Variants in ATP9B observed in about 807,000 individuals in gnomAD.
ATP9B encodes probable phospholipid-transporting ATPase IIB.
A neutral mutation model predicts 146.1 loss-of-function variants in ATP9B; 110 were observed. The observed-to-expected ratio is 0.75, with a 90% confidence interval of 0.65 to 0.88. The LOEUF is 0.88. ATP9B is among the 40% of genes least tolerant of loss of function. ATP9B has a pLI of 0.00. For missense variants in ATP9B, 1,499 were observed against 1,496.4 expected, an observed-to-expected ratio of 1.00 and a Z score of -0.03; for synonymous variants, 604 against 569.7, an observed-to-expected ratio of 1.06 and a Z score of -0.86.
intron 11 of ATP9B, among the ~76,000 whole-genome samples, chr18:79,246,655 A>G (rs531706377): frequency 6.6e-6 from 1 of 152,260 alleles, no homozygotes; most frequent in African/African-American, 2.4e-5. Context: ...GGCGCTTTCC[A>G]GAGAGCGGGA....
chr18:79,346,082 C>A (rs1296223017), intron 23 of ATP9B, among the ~76,000 whole-genome samples: 1 of 151,430 alleles, frequency 6.6e-6, no homozygotes, highest in Admixed American at 6.6e-5. Flanking sequence ...ACATGCTCAG[C>A]GCACAGCACA....
chr18:79,142,923 T>G (rs2094531354), intron 5 of ATP9B, among the ~76,000 whole-genome samples: 2 of 152,198 alleles, frequency 1.3e-5, no homozygotes, highest in African/African-American at 4.8e-5. Context: ...TTGATAGCTG[T>G]CAACATAAAC....
rs2096829070 is a variant in ATP9B at position 79,336,693 on chromosome 18, G to A, written c.2094G>A (p.Glu698=). The A allele has an allele frequency of 1.2e-6, 2 of 1,613,828 alleles. No individual in the cohort carries two copies. Among genetic ancestry groups the A allele is most frequent in the African/African-American group, 2.7e-5 (2 of 74,942 alleles). The stretch of plus-strand genomic sequence containing the variant: ...TTGCAAAGAAGGCGTTGACAGAGGA[G>A]CAGTACCAGGACTTTGAGGTGAGCC... ...LVVAKKALTE[E]QYQDFESRYT... is the part of the protein sequence containing the mutation. The change falls in exon 18 of 30, where the codon GAG becomes GAA. Residue 698 remains glutamate (E), a synonymous_variant. Transcript: ENST00000426216.
intron 2 of ATP9B, among the ~76,000 whole-genome samples, chr18:79,099,351 A>G (rs2075079940): frequency 6.6e-6 from 1 of 152,006 alleles, no homozygotes; most frequent in Non-Finnish European, 1.5e-5. Context: ...CCTCCTGAGT[A>G]GCTGGGACTA....
At chr18:79,165,480 C>A (rs576936308) in intron 7 of ATP9B, among the ~76,000 whole-genome samples, 4 of 152,190 alleles carry the variant, frequency 2.6e-5, no homozygotes, top group Non-Finnish European at 5.9e-5. Flanking sequence ...CTAGAAGTTG[C>A]CAAATGTAAA....
At chr18:79,297,135 C>T (rs552322466) in intron 13 of ATP9B, among the ~76,000 whole-genome samples, 19 of 134,552 alleles carry the variant, frequency 1.4e-4, no homozygotes, top group South Asian at 2.6e-4. Flanking sequence ...AGGAGACAGA[C>T]GACCCAGAGA....
chr18:79,343,833 T>G, intron 20 of ATP9B: 1 of 253,826 alleles, frequency 3.9e-6, no homozygotes, highest in Non-Finnish European at 7.6e-6. Flanking sequence ...CCCTGGCCTG[T>G]TGCTCTGTTA....
At chr18:79,084,862 T>A (rs1409318376) in intron 1 of ATP9B, among the ~76,000 whole-genome samples, 1 of 152,220 alleles carries the variant, frequency 6.6e-6, no homozygotes, top group African/African-American at 2.4e-5. Context: ...TGGTTAGTTG[T>A]TAAAACTTGT....
intron 13 of ATP9B, among the ~76,000 whole-genome samples, chr18:79,303,137 A>C (rs996466109): frequency 3.9e-5 from 6 of 152,228 alleles, no homozygotes; most frequent in African/African-American, 1.4e-4. Context: ...ACACTTTAGG[A>C]GGCCAAGACA....
intron 13 of ATP9B, among the ~76,000 whole-genome samples, chr18:79,294,577 G>A (rs2096534107): frequency 6.6e-6 from 1 of 152,250 alleles, no homozygotes; most frequent in African/African-American, 2.4e-5. Flanking sequence ...GGAGAAAGCT[G>A]TAGAGTAAAA....
chr18:79,359,267 A>T, intron 25 of ATP9B, 87 bp from the exon 26 acceptor site: 1 of 990,828 alleles, frequency 1.0e-6, no homozygotes. Context: ...GGTGTTTTTG[A>T]AGCTGTGACC....
chr18:79,280,532 T>C (rs574536388), intron 13 of ATP9B, among the ~76,000 whole-genome samples: 4 of 152,220 alleles, frequency 2.6e-5, no homozygotes, highest in Non-Finnish European at 4.4e-5. Context: ...CAGGGAGATA[T>C]TGATTATTTG....
intron 7 of ATP9B, among the ~76,000 whole-genome samples, chr18:79,169,679 A>T (rs1274164156): frequency 1.3e-5 from 2 of 152,136 alleles, no homozygotes; most frequent in East Asian, 3.8e-4. Flanking sequence ...AACCATTTTG[A>T]ATTATTTTGA....
chr18:79,308,357 C>A (rs1254722805), intron 15 of ATP9B, among the ~76,000 whole-genome samples: 1 of 152,152 alleles, frequency 6.6e-6, no homozygotes, highest in Non-Finnish European at 1.5e-5. Flanking sequence ...TTAATGTTCA[C>A]AGCAGTGTTA....
intron 13 of ATP9B, among the ~76,000 whole-genome samples, chr18:79,277,793 G>A (rs761167610): frequency 5.3e-4 from 81 of 151,978 alleles, no homozygotes; most frequent in Non-Finnish European, 1.0e-3. Context: ...CACATCTGAG[G>A]GCTAAAATTC....
At chr18:79,172,170 C>G (rs1485297104) in intron 7 of ATP9B, among the ~76,000 whole-genome samples, 1 of 149,622 alleles carries the variant, frequency 6.7e-6, no homozygotes, top group Non-Finnish European at 1.5e-5. Context: ...GCCTTGGCCT[C>G]CCAAGGTGCT....
chr18:79,135,065 A>C (rs952709648), intron 5 of ATP9B, among the ~76,000 whole-genome samples: 1 of 152,144 alleles, frequency 6.6e-6, no homozygotes, highest in African/African-American at 2.4e-5. Flanking sequence ...TTTTGAAACC[A>C]TGTTTAAAGT....
At chr18:79,284,315 T>C (rs1344627170) in intron 13 of ATP9B, among the ~76,000 whole-genome samples, 4 of 152,190 alleles carry the variant, frequency 2.6e-5, no homozygotes, top group Non-Finnish European at 4.4e-5. Context: ...CTAATGTGTG[T>C]CCTTGGATAT....
At chr18:79,088,583 G>A (rs1390262263) in intron 1 of ATP9B, among the ~76,000 whole-genome samples, 1 of 152,164 alleles carries the variant, frequency 6.6e-6, no homozygotes, top group Non-Finnish European at 1.5e-5. Flanking sequence ...AGACACTAAA[G>A]CAAGTAACAT....
Sources: gnomAD v4.1 joint callset for allele counts (sites outside exome capture counted in the v4.1 genomes callset) on GRCh38, gnomAD v4.1.1 for gene constraint, MANE v1.5 for transcripts, NCBI Gene and HGNC (gene_info 2026-07-23, HGNC 2026-07-21) for gene names.